The following GSE1 variants were observed in gnomAD, a reference collection of about 807,000 sequenced individuals.
GSE1 encodes the protein genetic suppressor element 1.
GSE1 carries 32 observed loss-of-function variants against 112.6 expected under a neutral mutation model. The ratio of observed to expected loss-of-function variants is 0.28; its 90% CI spans 0.21 to 0.38. The LOEUF (loss-of-function observed/expected upper bound fraction) is 0.38. Ranked by LOEUF, GSE1 falls within the 10% of genes least tolerant of loss-of-function variation. The probability of loss-of-function intolerance (pLI) is 1.00; values close to 1 mark genes in which losing one functional copy is unlikely to be tolerated. For missense variants in GSE1, 2,348 were observed against 1,699.2 expected, an observed-to-expected ratio of 1.38 and a Z score of -6.71; for synonymous variants, 1,115 against 735.6, an observed-to-expected ratio of 1.52 and a Z score of -8.35.
chr16:85,327,274 C>T (rs2046245460), intron 1 of GSE1, among the ~76,000 whole-genome samples: 2 of 152,322 alleles, frequency 1.3e-5, no homozygotes, highest in South Asian at 4.1e-4. Flanking sequence ...CAGAGCCCTC[C>T]TCCTGCCCGG....
chr16:85,569,735 C>G (rs2151323081), intron 1 of GSE1, among the ~76,000 whole-genome samples: 1 of 152,338 alleles, frequency 6.6e-6, no homozygotes, highest in East Asian at 1.9e-4. Context: ...CCCTGCTTCT[C>G]AGGAACCGAA....
At chr16:85,614,720 C>T (rs2048259946) in intron 1 of GSE1, among the ~76,000 whole-genome samples, 1 of 152,212 alleles carries the variant, frequency 6.6e-6, no homozygotes, top group Non-Finnish European at 1.5e-5. Context: ...TACAAACTAG[C>T]CTTTGTACAA....
chr16:85,400,835 G>A (rs73259334), intron 2 of GSE1, among the ~76,000 whole-genome samples: 1,971 of 150,246 alleles, frequency 0.013, 38 homozygotes, highest in African/African-American at 0.046. Context: ...ATGTGTTTGC[G>A]TGTGGTGTGT....
intron 1 of GSE1, among the ~76,000 whole-genome samples, chr16:85,256,572 G>A (rs1165023180): frequency 6.6e-6 from 1 of 152,234 alleles, no homozygotes; most frequent in Non-Finnish European, 1.5e-5. Flanking sequence ...TCCAGCACCT[G>A]GCCCGGCCTC....
intron 1 of GSE1, among the ~76,000 whole-genome samples, chr16:85,299,761 C>T (rs1339343616): frequency 6.6e-6 from 1 of 151,970 alleles, no homozygotes; most frequent in Non-Finnish European, 1.5e-5. Flanking sequence ...GACTCTGTCT[C>T]TATAAAAAAT....
intron 2 of GSE1, among the ~76,000 whole-genome samples, chr16:85,488,318 C>A (rs1025921488): frequency 1.3e-5 from 2 of 152,166 alleles, no homozygotes; most frequent in African/African-American, 2.4e-5. Context: ...TTATTAAGCT[C>A]CTATTGTGTG....
rs11544837 is a variant in GSE1 at position 85,673,431 on chromosome 16, G to A, written c.*892G>A. 6 of 132,964 alleles carry A rather than the reference G, an allele frequency of 4.5e-5. No homozygotes were observed. The Admixed American group carries it at 4.5e-4, about 10-fold the overall frequency. 8.2% of individuals were successfully genotyped at this position (132,964 alleles called of 1,614,324 possible). ...TATGTGGTTTGGGGGATTTTTGTTT[G>A]TTTTTCCTGTTTGGGGGTTTTGTTT... On this transcript the variant is annotated 3_prime_UTR_variant, in exon 16 of 16. Coordinates refer to ENST00000253458, the MANE Select transcript of GSE1 (RefSeq NM_014615.5).
intron 1 of GSE1, among the ~76,000 whole-genome samples, chr16:85,336,954 G>A (rs913353725): frequency 2.0e-5 from 3 of 152,098 alleles, no homozygotes; most frequent in Non-Finnish European, 4.4e-5. Flanking sequence ...ACACATGCTT[G>A]TATACACATA....
intron 2 of GSE1, among the ~76,000 whole-genome samples, chr16:85,426,920 A>G (rs2049007558): frequency 6.6e-6 from 1 of 152,128 alleles, no homozygotes; most frequent in Admixed American, 6.6e-5. Context: ...CAGAACATGG[A>G]CTGTGGTGTG....
At chr16:85,513,044 G>A (rs982194180) in intron 2 of GSE1, among the ~76,000 whole-genome samples, 2 of 152,088 alleles carry the variant, frequency 1.3e-5, no homozygotes, top group African/African-American at 2.4e-5. Flanking sequence ...CTGCTTTCTC[G>A]GGACCCACAG....
At chr16:85,169,711 C>T (rs1213536954) in exon 1 of GSE1, 2 of 983,512 alleles carry the variant, frequency 2.0e-6, no homozygotes, top group South Asian at 4.7e-5. Context: ...GCCCTTCTTC[C>T]CGTTCCTGCA....
rs771325196 is a variant in GSE1 at position 85,674,187 on chromosome 16, A to C, written c.*1648A>C. 3.3e-5 allele frequency: 5 copies of C among 152,296 alleles called. No homozygotes were observed. Among genetic ancestry groups the C allele is most frequent in the Non-Finnish European group, 7.3e-5 (5 of 68,106 alleles). The allele number at this position is 152,296 out of a possible 1,614,324, so 9.4% of individuals were successfully genotyped here. A position where few individuals can be genotyped will look rare whatever the true frequency, so the allele number is the denominator to read the frequency against. ...TGCCTGACCTGTGTGCCGGCTGCTC[A>C]CTGCTGTGACCAGCAGCCGAGCCCT... is the stretch of plus-strand genomic sequence containing the variant. On this transcript the variant is annotated 3_prime_UTR_variant, in exon 16 of 16. Transcript: ENST00000253458.
exon 1 of GSE1, chr16:85,171,088 G>A: frequency 1.0e-6 from 1 of 985,614 alleles, no homozygotes; most frequent in Non-Finnish European, 1.2e-6. Context: ...CCCGCCCAAC[G>A]CCCAGGGCCC....
chr16:85,451,799 G>A (rs1244572369), intron 2 of GSE1, among the ~76,000 whole-genome samples: 4 of 151,822 alleles, frequency 2.6e-5, no homozygotes, highest in South Asian at 2.1e-4. Flanking sequence ...TGGTGCCTGC[G>A]CTGGTGGTTG....
At chr16:85,270,025 C>T (rs1908673328) in intron 1 of GSE1, among the ~76,000 whole-genome samples, 3 of 149,292 alleles carry the variant, frequency 2.0e-5, no homozygotes, top group Admixed American at 6.7e-5. Context: ...CTGTTGGTAG[C>T]TAGGATTCAA....
intron 2 of GSE1, among the ~76,000 whole-genome samples, chr16:85,379,139 G>A (rs940498419): frequency 1.3e-5 from 2 of 152,110 alleles, no homozygotes; most frequent in Non-Finnish European, 2.9e-5. Flanking sequence ...CTGGACTTCC[G>A]GGGCCCGGCC....
At chr16:85,317,028 G>T (rs1176411077) in intron 1 of GSE1, among the ~76,000 whole-genome samples, 1 of 152,194 alleles carries the variant, frequency 6.6e-6, no homozygotes, top group Non-Finnish European at 1.5e-5. Context: ...GGGGCCTAAG[G>T]CAGAGGCAGG....
chr16:85,608,291 C>A (rs546787193), upstream of GSE1, among the ~76,000 whole-genome samples: 8 of 152,242 alleles, frequency 5.3e-5, no homozygotes, highest in South Asian at 1.2e-3. Flanking sequence ...CTCAGCTCTT[C>A]GTGCCCCCCG....
intron 1 of GSE1, among the ~76,000 whole-genome samples, chr16:85,627,814 A>G (rs2049203694): frequency 6.6e-6 from 1 of 152,130 alleles, no homozygotes; most frequent in African/African-American, 2.4e-5. Context: ...GTTAATAAAT[A>G]CCTCTCTAAT....
Sources: gnomAD v4.1 joint callset for allele counts (sites outside exome capture counted in the v4.1 genomes callset) on GRCh38, gnomAD v4.1.1 for gene constraint, MANE v1.5 for transcripts, NCBI Gene and HGNC (gene_info 2026-07-23, HGNC 2026-07-21) for gene names.